OR2L13: variants seen among roughly 807,000 people sequenced by gnomAD.
OR2L13 encodes olfactory receptor 2L13.
In OR2L13, 14 loss-of-function variants were observed where a neutral mutation model predicts 15.3. The observed-to-expected ratio is 0.91, with a 90% CI of 0.60 to 1.43. The LOEUF is 1.43. OR2L13 is among the 40% of genes most tolerant of loss of function. The pLI is 0.00. For synonymous variants in OR2L13, 152 were observed against 142.9 expected (o/e 1.06, Z -0.45); for missense variants, 367 against 387.9 (o/e 0.95, Z 0.45).
the OR2L13 span, among the ~76,000 whole-genome samples, chr1:247,968,179 A>G: frequency 6.6e-6 from 1 of 152,184 alleles, no homozygotes; most frequent in Non-Finnish European, 1.5e-5. Context: ...ACTTTATAAT[A>G]TAAAAGGAGA....
the OR2L13 span, among the ~76,000 whole-genome samples, chr1:247,946,522 T>G: frequency 6.6e-6 from 1 of 152,176 alleles, no homozygotes; most frequent in Non-Finnish European, 1.5e-5. Flanking sequence ...ATAGACATAG[T>G]CTCAGCAGAC....
At chr1:248,025,976 C>T in the OR2L13 span, among the ~76,000 whole-genome samples, 2 of 151,948 alleles carry the variant, frequency 1.3e-5, no homozygotes, top group East Asian at 3.9e-4. Flanking sequence ...GGAAGGATAG[C>T]ATAGGAGATA....
the OR2L13 span, among the ~76,000 whole-genome samples, chr1:247,951,992 T>C: frequency 1.4e-4 from 21 of 151,956 alleles, no homozygotes; most frequent in African/African-American, 3.9e-4. Flanking sequence ...TGTGTGTGTG[T>C]GCGCGCGTGC....
chr1:248,067,666 C>T, the OR2L13 span, among the ~76,000 whole-genome samples: 609 of 152,270 alleles, frequency 4.0e-3, 7 homozygotes, highest in African/African-American at 0.014. Flanking sequence ...TGCAGCGCAC[C>T]GTGTGCGAGC....
chr1:247,971,269 C>A, the OR2L13 span, among the ~76,000 whole-genome samples: 5 of 151,860 alleles, frequency 3.3e-5, no homozygotes, highest in Non-Finnish European at 7.4e-5. Context: ...AGCAGAAGAA[C>A]GTAGAGCAGA....
the OR2L13 span, chr1:248,004,009 C>A: frequency 1.2e-6 from 2 of 1,613,744 alleles, no homozygotes; most frequent in African/African-American, 2.7e-5. Flanking sequence ...GCCTGAGGAA[C>A]AAGGAGGTGA....
chr1:248,043,538 G>A, the OR2L13 span, among the ~76,000 whole-genome samples: 2 of 152,106 alleles, frequency 1.3e-5, no homozygotes, highest in East Asian at 3.9e-4. Flanking sequence ...AATTTCGGTG[G>A]CCCTATTTGG....
At chr1:248,007,061 G>A in the OR2L13 span, among the ~76,000 whole-genome samples, 1 of 152,162 alleles carries the variant, frequency 6.6e-6, no homozygotes, top group Non-Finnish European at 1.5e-5. Flanking sequence ...GCTCAGTTCA[G>A]ACCCTTTACC....
At chr1:247,988,196 C>T in the OR2L13 span, among the ~76,000 whole-genome samples, 5,901 of 151,756 alleles carry the variant, frequency 0.039, 357 homozygotes, top group African/African-American at 0.13. Context: ...CTGGGAATGC[C>T]TGTAAGTATA....
chr1:247,986,827 C>G, the OR2L13 span, among the ~76,000 whole-genome samples: 7 of 152,244 alleles, frequency 4.6e-5, no homozygotes, highest in Admixed American at 2.0e-4. Context: ...AGGTCCTTCA[C>G]GTCCGTTGTA....
the OR2L13 span, among the ~76,000 whole-genome samples, chr1:248,009,999 G>A: frequency 6.6e-6 from 1 of 151,990 alleles, no homozygotes; most frequent in Non-Finnish European, 1.5e-5. Context: ...TAAGCTAGGT[G>A]TTCACAGAAC....
At chr1:248,072,958 T>G in the OR2L13 span, among the ~76,000 whole-genome samples, 2 of 152,040 alleles carry the variant, frequency 1.3e-5, no homozygotes, top group Non-Finnish European at 1.5e-5. Context: ...ATGGCAATCA[T>G]TAAAAAGTCA....
chr1:248,050,138 G>A, the OR2L13 span, among the ~76,000 whole-genome samples: 4 of 152,032 alleles, frequency 2.6e-5, no homozygotes, highest in Admixed American at 1.3e-4. Context: ...CACATGAGAC[G>A]TAGTTCAGGT....
the OR2L13 span, among the ~76,000 whole-genome samples, chr1:247,994,448 G>A: frequency 9.9e-5 from 15 of 152,218 alleles, no homozygotes; most frequent in South Asian, 2.9e-3. Flanking sequence ...TATGACTGTA[G>A]CCTAACACTA....
the OR2L13 span, chr1:248,061,600 A>G: frequency 1.9e-6 from 3 of 1,612,576 alleles, no homozygotes; most frequent in Non-Finnish European, 2.5e-6. Context: ...GAGTCAGAGA[A>G]TCTGCTCTGG....
At chr1:248,091,359 G>T (rs144337215), upstream of OR2L13, among the ~76,000 whole-genome samples, 151 of 152,140 alleles carry the variant, frequency 9.9e-4, no homozygotes, top group African/African-American at 3.5e-3. Context: ...ATCTTTGCCA[G>T]GTCCTATGTC....
chr1:248,087,073 A>G, the OR2L13 span, among the ~76,000 whole-genome samples: 1 of 152,114 alleles, frequency 6.6e-6, no homozygotes, highest in East Asian at 1.9e-4. Flanking sequence ...CTGGAACATT[A>G]GAGTTCCACT....
the OR2L13 span, among the ~76,000 whole-genome samples, chr1:247,979,798 C>G: frequency 6.6e-6 from 1 of 152,016 alleles, no homozygotes; most frequent in Non-Finnish European, 1.5e-5. Context: ...GAAACGACTC[C>G]TAGATGTGGC....
the OR2L13 span, among the ~76,000 whole-genome samples, chr1:247,946,071 C>T: frequency 3.3e-5 from 5 of 152,052 alleles, no homozygotes; most frequent in African/African-American, 1.2e-4. Context: ...GTTTTCACCT[C>T]CTTGGTTTGG....
Sources: gnomAD v4.1 joint callset for allele counts (sites outside exome capture counted in the v4.1 genomes callset) on GRCh38, gnomAD v4.1.1 for gene constraint, MANE v1.5 for transcripts, NCBI Gene and HGNC (gene_info 2026-07-23, HGNC 2026-07-21) for gene names.